The following KCND2 variants were observed in gnomAD, a reference collection of about 807,000 sequenced individuals.
KCND2 encodes potassium voltage-gated channel subfamily D member 2, also known as A-type voltage-gated potassium channel KCND2.
A neutral mutation model predicts 54.4 loss-of-function variants in KCND2; 16 were observed. The ratio of observed to expected loss-of-function variants is 0.29; its 90% CI spans 0.20 to 0.45. The LOEUF (loss-of-function observed/expected upper bound fraction) is 0.45. Among genes scored for constraint, KCND2 ranks in the 20% least tolerant of loss-of-function variants. The pLI is 1.00. For missense variants in KCND2, 486 were observed against 824.2 expected (o/e 0.59, Z 5.02); for synonymous variants, 317 against 310.7 (o/e 1.02, Z -0.21).
chr7:120,642,225 T>A (rs1450657294), intron 1 of KCND2, among the ~76,000 whole-genome samples: 2 of 152,100 alleles, frequency 1.3e-5, no homozygotes. Flanking sequence ...TGTTTTTCAT[T>A]ACACTCAACA....
intron 5 of KCND2, chr7:120,746,867 T>C (rs772603450): frequency 6.6e-6 from 1 of 152,102 alleles, no homozygotes; most frequent in Non-Finnish European, 1.5e-5. Context: ...GATTCTGAAT[T>C]CAGGTGATGT....
chr7:120,394,787 T>C (rs1399228957), intron 1 of KCND2, among the ~76,000 whole-genome samples: 2 of 152,028 alleles, frequency 1.3e-5, no homozygotes, highest in Admixed American at 1.3e-4. Context: ...CTCAGTGTCA[T>C]AATGTTTGCA....
At chr7:120,460,951 A>G (rs1412318801) in intron 1 of KCND2, among the ~76,000 whole-genome samples, 1 of 152,004 alleles carries the variant, frequency 6.6e-6, no homozygotes, top group Non-Finnish European at 1.5e-5. Context: ...TTTTTGTTGC[A>G]TTGATATATT....
chr7:120,273,358 G>C lies in KCND2; in HGVS notation c.-1275G>C, dbSNP rs1426642551. Among the ~76,000 whole-genome samples, 1 of 149,138 alleles carries C rather than the reference G, an allele frequency of 6.7e-6. No individual in the cohort carries two copies. The highest frequency in any genetic ancestry group is 1.5e-5 in the Non-Finnish European group (1 of 67,010). On this transcript the variant is annotated 5_prime_UTR_variant, in exon 1 of 6. Coordinates refer to ENST00000331113, the MANE Select transcript of KCND2 (RefSeq NM_012281.3). The stretch of plus-strand genomic sequence containing the variant: ...GCCTTCTGCCTCCGCGCTCGGACGA[G>C]AGCCCGTGCCGGCCCCGGCCCCGGC...
intron 1 of KCND2, among the ~76,000 whole-genome samples, chr7:120,283,235 T>C (rs1157578942): frequency 6.6e-6 from 1 of 152,100 alleles, no homozygotes; most frequent in Non-Finnish European, 1.5e-5. Context: ...AGTAAGGGGC[T>C]TAGTAGCAAA....
At chr7:120,582,684 AT>A (rs1792532540) in intron 1 of KCND2, among the ~76,000 whole-genome samples, 1 of 152,168 alleles carries the variant, frequency 6.6e-6, no homozygotes, top group African/African-American at 2.4e-5. Flanking sequence ...TTAAACAATT[AT>A]AAAAAAATAT....
intron 1 of KCND2, among the ~76,000 whole-genome samples, chr7:120,336,579 A>T (rs758290596): frequency 6.6e-6 from 1 of 152,224 alleles, no homozygotes; most frequent in Non-Finnish European, 1.5e-5. Flanking sequence ...AAATAATTAC[A>T]TAAACCATTT....
intron 1 of KCND2, among the ~76,000 whole-genome samples, chr7:120,450,791 C>T (rs1039379059): frequency 1.1e-4 from 17 of 152,072 alleles, no homozygotes; most frequent in Admixed American, 6.6e-4. Context: ...AAGAAATGAC[C>T]TACTGATCTA....
At chr7:120,598,006 C>G (rs561149833) in intron 1 of KCND2, among the ~76,000 whole-genome samples, 33 of 151,764 alleles carry the variant, frequency 2.2e-4, no homozygotes, top group Admixed American at 7.9e-4. Context: ...AAAACCGCCT[C>G]CACAAGAGCA....
In KCND2 at chr7:120,595,483, G is replaced by GTATATATATATATGTGTA. The variant is rs1554373366; in HGVS notation, c.1116-137407_1116-137406insGTGTATATATATATATAT. 7.1e-4 allele frequency among the ~76,000 whole-genome samples: 95 copies of GTATATATATATATGTGTA among 133,474 alleles called. 1 individual carries two copies. The highest frequency in any genetic ancestry group is 6.1e-4 in the Non-Finnish European group (39 of 64,206). The allele number at this position is 133,474 out of a possible 152,430, so 87.6% of individuals were successfully genotyped here. On this transcript the variant is annotated intron_variant, in intron 1 of 5. Coordinates refer to ENST00000331113, the MANE Select transcript of KCND2 (RefSeq NM_012281.3). The stretch of plus-strand genomic sequence containing the variant: ...AAAATATATATATATATATATATGT[G>GTATATATATATATGTGTA]TATATATATATATATGTGTGTGTGT...
At chr7:120,352,080 G>A (rs1800416952) in intron 1 of KCND2, among the ~76,000 whole-genome samples, 1 of 152,052 alleles carries the variant, frequency 6.6e-6, no homozygotes, top group Non-Finnish European at 1.5e-5. Context: ...TGGGACTATA[G>A]GCGTGCACCA....
At chr7:120,499,753 C>T (rs540134691) in intron 1 of KCND2, among the ~76,000 whole-genome samples, 28 of 152,232 alleles carry the variant, frequency 1.8e-4, no homozygotes, top group South Asian at 1.5e-3. Context: ...CTAGAAGCCA[C>T]GCCTGCCTCT....
chr7:120,655,705 T>C (rs1429616250), intron 1 of KCND2, among the ~76,000 whole-genome samples: 1 of 152,084 alleles, frequency 6.6e-6, no homozygotes, highest in Non-Finnish European at 1.5e-5. Flanking sequence ...TCTCACACAT[T>C]TGTGAAAGCA....
intron 1 of KCND2, among the ~76,000 whole-genome samples, chr7:120,384,998 C>CTTTTTTTTTTTTTT (rs372225817): frequency 1.2e-5 from 1 of 82,512 alleles, no homozygotes; most frequent in Non-Finnish European, 2.1e-5. Flanking sequence ...TTGTATATAA[C>CTTTTTTTTTTTTTT]TTTTTTTTTT....
intron 1 of KCND2, among the ~76,000 whole-genome samples, chr7:120,449,680 AATC>A (rs1425121956): frequency 5.3e-5 from 8 of 152,352 alleles, no homozygotes; most frequent in Admixed American, 3.3e-4. Flanking sequence ...CCATTAAGAT[AATC>A]ATTCCTTCCA....
At chr7:120,357,277 C>A (rs1455785057) in intron 1 of KCND2, among the ~76,000 whole-genome samples, 1 of 151,900 alleles carries the variant, frequency 6.6e-6, no homozygotes, top group African/African-American at 2.4e-5. Flanking sequence ...AACTGAAGAC[C>A]AATATATACA....
Position 120,508,363 on chromosome 7 carries a change from T to C in KCND2, c.1116-224540T>C, listed in dbSNP as rs1052623430. ...AGTCAGAAACGGGTATATAACACTT[T>C]CTGAATCTTTTGTTATTTTTTGTAG... On this transcript the variant is annotated intron_variant, in intron 1 of 5. Coordinates refer to ENST00000331113, the MANE Select transcript of KCND2 (RefSeq NM_012281.3). Among the ~76,000 whole-genome samples the C allele has an allele frequency of 5.3e-5, 8 of 152,038 alleles. No individual in the cohort carries two copies. The South Asian group carries it at 1.2e-3, about 24-fold the overall frequency.
intron 1 of KCND2, among the ~76,000 whole-genome samples, chr7:120,440,341 G>A (rs1801929882): frequency 1.3e-5 from 2 of 151,668 alleles, no homozygotes; most frequent in Admixed American, 6.6e-5. Context: ...GATTATTTAG[G>A]GTTTTGCTAT....
chr7:120,351,636 A>T (rs1020035931), intron 1 of KCND2, among the ~76,000 whole-genome samples: 1 of 151,988 alleles, frequency 6.6e-6, no homozygotes, highest in Non-Finnish European at 1.5e-5. Flanking sequence ...CGTTTATATA[A>T]ATGTAGACCT....
Sources: allele counts gnomAD v4.1 joint callset (sites outside exome capture counted in the v4.1 genomes callset), GRCh38; gene constraint gnomAD v4.1.1; transcripts MANE v1.5; gene names NCBI Gene and HGNC (gene_info 2026-07-23, HGNC 2026-07-21).